CAMKK1: variants seen among roughly 807,000 people sequenced by gnomAD.
CAMKK1 encodes the protein calcium/calmodulin dependent protein kinase kinase 1, also known as calcium/calmodulin-dependent protein kinase kinase 1.
CAMKK1 carries 20 observed loss-of-function variants against 63.5 expected under a neutral mutation model. That is an observed-to-expected ratio of 0.32 (90% CI 0.22 to 0.46). The LOEUF (loss-of-function observed/expected upper bound fraction) is 0.46. CAMKK1 is among the 20% of genes least tolerant of loss of function. The pLI, the probability that CAMKK1 is intolerant of heterozygous loss-of-function variation, is 1.00. For synonymous variants in CAMKK1, 253 were observed against 269.0 expected (o/e 0.94, Z 0.58); for missense variants, 588 against 658.1 (o/e 0.89, Z 1.17).
intron 1 of CAMKK1, among the ~76,000 whole-genome samples, chr17:3,886,613 C>T (rs67918366): frequency 0.2 from 29,861 of 151,742 alleles, 3,641 homozygotes; most frequent in Non-Finnish European, 0.27. Context: ...GCCTGGGTGA[C>T]GGAGCAAGAC....
chr17:3,873,427 G>A lies in CAMKK1; in HGVS notation c.1032C>T (p.Tyr344=). Residue 344 remains tyrosine (Y), a synonymous_variant, in exon 11 of 16, where the codon TAC becomes TAT. Transcript: ENST00000348335. ...LDVWATGVTL[Y]CFVYGKCPFI... is the part of the protein sequence containing the mutation. The stretch of plus-strand genomic sequence containing the variant: ...CACTCACCTTCCCATAGACAAAGCA[G>A]TACAACGTGACGCCAGTGGCCCATA... 1 of 1,614,104 alleles carries A rather than the reference G, an allele frequency of 6.2e-7. No homozygotes were observed. The highest frequency in any genetic ancestry group is 8.5e-7 in the Non-Finnish European group (1 of 1,180,002).
In CAMKK1 at chr17:3,882,343, T is replaced by C. The variant is rs763007099; in HGVS notation, c.685+185A>G. On this transcript the variant is annotated intron_variant, in intron 7 of 15. Transcript: ENST00000348335. This position sits in a 1 kb window ranked among gnomAD's most constrained non-coding sequence, Gnocchi z 4.3. ...CTTGGCGATATTTGTTGAATCTAAC[T>C]GGATATTCTGGGCCTGGTTCTGCAG... is the stretch of plus-strand genomic sequence containing the variant. 6.2e-7 allele frequency: 1 copy of C among 1,613,692 alleles called. No individual in the cohort carries two copies. The highest frequency in any genetic ancestry group is 1.1e-5 in the South Asian group (1 of 91,082).
Position 3,892,962 on chromosome 17 carries a change from G to C in CAMKK1, c.-67C>G, listed in dbSNP as rs1374586496. 2 of 150,824 alleles carry C rather than the reference G, an allele frequency of 1.3e-5. No individual in the cohort carries two copies. Among genetic ancestry groups the C allele is most frequent in the Non-Finnish European group, 3.0e-5 (2 of 67,294 alleles). 9.3% of individuals were successfully genotyped at this position (150,824 alleles called of 1,614,324 possible). A position where few individuals can be genotyped will look rare whatever the true frequency, so the allele number is the denominator to read the frequency against. Reference sequence around the variant, plus strand: ...ACCTGGGCGCCGGGCGACAGTGTCCGCGGCCCGGCGGGCGGCCCCACTCGC... The same window carrying C: ...ACCTGGGCGCCGGGCGACAGTGTCCCCGGCCCGGCGGGCGGCCCCACTCGC... On this transcript the variant is annotated 5_prime_UTR_variant, in exon 1 of 16. Coordinates refer to ENST00000348335, the MANE Select transcript of CAMKK1 (RefSeq NM_032294.3). The surrounding 1 kb of genome is among the most constrained non-coding windows in gnomAD (Gnocchi z 7.5).
intron 14 of CAMKK1, among the ~76,000 whole-genome samples, chr17:3,867,266 C>G (rs529191763): frequency 6.6e-6 from 1 of 152,096 alleles, no homozygotes; most frequent in Non-Finnish European, 1.5e-5. Flanking sequence ...TGGGACTCCC[C>G]GGGCAGAGGG....
intron 10 of CAMKK1, among the ~76,000 whole-genome samples, chr17:3,876,003 G>A (rs982024057): frequency 1.3e-5 from 2 of 152,306 alleles, no homozygotes; most frequent in Admixed American, 1.3e-4. Flanking sequence ...CCAGCACAGA[G>A]CAACCAACAG....
rs2055786932 is a variant in CAMKK1, at chr17:3,889,038, T to A, written c.-43-3308A>T. On this transcript the variant is annotated intron_variant, in intron 1 of 15. Coordinates refer to ENST00000348335, the MANE Select transcript of CAMKK1 (RefSeq NM_032294.3). The surrounding 1 kb of genome is among the most constrained non-coding windows in gnomAD (Gnocchi z 5.2). ...GCGCCTGTGTGCCTGCAGGTCTCCGTGTACCTATGCCCAGGGTAGGGGGGT... is the reference window on the plus strand; with the variant it reads ...GCGCCTGTGTGCCTGCAGGTCTCCGAGTACCTATGCCCAGGGTAGGGGGGT... Among the ~76,000 whole-genome samples the A allele has an allele frequency of 6.6e-6, 1 of 152,090 alleles. No individual in the cohort carries two copies. Among genetic ancestry groups the A allele is most frequent in the Non-Finnish European group, 1.5e-5 (1 of 67,984 alleles).
rs182916396 is a variant in CAMKK1 at position 3,872,958 on chromosome 17, T to C, written c.1051-331A>G. On this transcript the variant is annotated intron_variant, in intron 11 of 15. Coordinates refer to ENST00000348335, the MANE Select transcript of CAMKK1 (RefSeq NM_032294.3). ...GGGCTTGGGAACATGTTCACTGAAA[T>C]TCCCCCCTGCCCCTTAGTGTGGTCA... Among the ~76,000 whole-genome samples, 33 of 152,202 alleles carry C rather than the reference T, an allele frequency of 2.2e-4. 1 individual carries two copies. The Middle Eastern group carries it at 0.014, about 63-fold the overall frequency.
Position 3,883,407 on chromosome 17 carries a change from G to A in CAMKK1, c.514+22C>T, listed in dbSNP as rs756392972. Reference sequence around the variant, plus strand: ...TGCCTCCAGGCTAGGAGCTCCCAGGGACAGGATCAGAAGATACATACGTGG... The same window carrying A: ...TGCCTCCAGGCTAGGAGCTCCCAGGAACAGGATCAGAAGATACATACGTGG... On this transcript the variant is annotated intron_variant, in intron 5 of 15. Coordinates refer to ENST00000348335, the MANE Select transcript of CAMKK1 (RefSeq NM_032294.3). The surrounding 1 kb of genome is among the most constrained non-coding windows in gnomAD (Gnocchi z 4.7). 6.2e-7 allele frequency: 1 copy of A among 1,610,512 alleles called. No homozygotes were observed. Among genetic ancestry groups the A allele is most frequent in the African/African-American group, 1.3e-5 (1 of 74,846 alleles).
chr17:3,869,572 G>A lies in CAMKK1; in HGVS notation c.1256C>T (p.Ser419Leu), dbSNP rs552614551. The A allele has an allele frequency of 3.7e-5, 60 of 1,614,170 alleles. No individual in the cohort carries two copies. The highest frequency in any genetic ancestry group is 3.3e-4 in the Middle Eastern group (2 of 6,062). ...CACCACGCTGCAGTGCTCCTCCTCC[G>A]AAGGAAGGGGCTCCTCCCCGTTCTT... ...VTKNGEEPLP[S>L]EEEHCSVVEV... Residue 419 changes from serine (S) to leucine (L), a missense_variant, in exon 14 of 16, where the codon TCG (serine) becomes TTG (leucine). This residue lies in a region of CAMKK1 where 226 missense variants were observed against 229.2 expected (regional missense o/e 0.99). Coordinates refer to ENST00000348335, the MANE Select transcript of CAMKK1 (RefSeq NM_032294.3).
chr17:3,871,560 G>C (rs143941733), intron 12 of CAMKK1, among the ~76,000 whole-genome samples: 3,606 of 149,806 alleles, frequency 0.024, 245 homozygotes, highest in African/African-American at 0.084. Context: ...GTTTCACCGT[G>C]TTAGCCAGGA....
chr17:3,877,368 G>T (rs2055213924), intron 9 of CAMKK1, among the ~76,000 whole-genome samples: 1 of 152,178 alleles, frequency 6.6e-6, no homozygotes, highest in Non-Finnish European at 1.5e-5. Context: ...AATCAGAAAT[G>T]ACCTAATAGG....
At chr17:3,865,299 C>G (rs2054475120) in intron 15 of CAMKK1, 1 of 987,000 alleles carries the variant, frequency 1.0e-6, no homozygotes, top group Non-Finnish European at 1.2e-6. Context: ...GAGCCCTCGG[C>G]CAATGCGGGT....
At chr17:3,881,866 C>A (rs2055423274) in intron 7 of CAMKK1, 1 of 575,090 alleles carries the variant, frequency 1.7e-6, no homozygotes. Flanking sequence ...CAGGTGAGAA[C>A]CATCAGCATC....
intron 15 of CAMKK1, among the ~76,000 whole-genome samples, chr17:3,863,762 T>C (rs1399172949): frequency 6.6e-6 from 1 of 152,082 alleles, no homozygotes; most frequent in East Asian, 1.9e-4. Context: ...CACAGAATTC[T>C]AGAATTTTAT....
intron 12 of CAMKK1, among the ~76,000 whole-genome samples, chr17:3,870,660 C>T (rs1050445865): frequency 8.5e-5 from 13 of 152,216 alleles, no homozygotes; most frequent in Non-Finnish European, 1.0e-4. Context: ...CCACCACGCC[C>T]GGCCAAACCC....
At chr17:3,873,060 G>C (rs544056523) in intron 11 of CAMKK1, among the ~76,000 whole-genome samples, 42 of 152,340 alleles carry the variant, frequency 2.8e-4, no homozygotes, top group Admixed American at 9.8e-4. Context: ...CCTCAGCCAG[G>C]GTAGGGGTGA....
intron 9 of CAMKK1, chr17:3,880,080 G>A: frequency 4.1e-6 from 2 of 487,388 alleles, no homozygotes; most frequent in Non-Finnish European, 7.4e-6. Flanking sequence ...GAACTCAGCA[G>A]AAGAAAGATA....
intron 2 of CAMKK1, 41 bp downstream of exon 2, chr17:3,885,287 C>T (rs1305946734): frequency 1.3e-6 from 2 of 1,539,030 alleles, no homozygotes; most frequent in East Asian, 2.3e-5. Flanking sequence ...TTGCAGACTA[C>T]TGAGGGGCTC....
intron 14 of CAMKK1, 64 bp downstream of exon 14, chr17:3,869,423 C>T: frequency 6.2e-7 from 1 of 1,600,986 alleles, no homozygotes; most frequent in Non-Finnish European, 8.5e-7. Context: ...GAGCCAGGCA[C>T]AGAGCAAGGC....
Sources: gnomAD v4.1 joint callset for allele counts (sites outside exome capture counted in the v4.1 genomes callset) on GRCh38, gnomAD v4.1.1 for gene constraint, gnomAD v4.1.1 regional missense constraint, Gnocchi (gnomAD v3.1) non-coding constraint, MANE v1.5 for transcripts, NCBI Gene and HGNC (gene_info 2026-07-23, HGNC 2026-07-21) for gene names.